Variants in CIMIP6 observed in about 807,000 individuals in gnomAD.
CIMIP6 encodes the protein uncharacterized protein C2orf73.
At chr2:54,380,561 G>A in the CIMIP6 span, among the ~76,000 whole-genome samples, 2 of 152,072 alleles carry the variant, frequency 1.3e-5, no homozygotes. Context: ...CAGTTCATTT[G>A]GCACAAGAGT....
At chr2:54,353,271 C>A in the CIMIP6 span, among the ~76,000 whole-genome samples, 8 of 152,146 alleles carry the variant, frequency 5.3e-5, no homozygotes, top group African/African-American at 1.4e-4. Context: ...TGTTAAACAA[C>A]CGTCCCTGAT....
chr2:54,354,333 T>C, the CIMIP6 span, among the ~76,000 whole-genome samples: 3 of 152,172 alleles, frequency 2.0e-5, no homozygotes, highest in African/African-American at 2.4e-5. Flanking sequence ...GGATTTATTT[T>C]TCTATTTAAA....
At chr2:54,369,055 G>A in the CIMIP6 span, among the ~76,000 whole-genome samples, 1 of 152,154 alleles carries the variant, frequency 6.6e-6, no homozygotes, top group Non-Finnish European at 1.5e-5. Flanking sequence ...AATTGGTACT[G>A]CATGCATCGT....
At chr2:54,352,304 T>C in the CIMIP6 span, among the ~76,000 whole-genome samples, 2 of 152,176 alleles carry the variant, frequency 1.3e-5, no homozygotes, top group Non-Finnish European at 2.9e-5. Flanking sequence ...TTGTTTTATA[T>C]TGGTTTTGAA....
At chr2:54,365,425 A>T in the CIMIP6 span, among the ~76,000 whole-genome samples, 1 of 152,330 alleles carries the variant, frequency 6.6e-6, no homozygotes, top group Admixed American at 6.5e-5. Context: ...AAGAGGAAAG[A>T]ACAAAAACTT....
At chr2:54,332,778 A>G in the CIMIP6 span, among the ~76,000 whole-genome samples, 1 of 152,244 alleles carries the variant, frequency 6.6e-6, no homozygotes, top group Non-Finnish European at 1.5e-5. Context: ...ACTATGAGAA[A>G]CAGGTGGAAA....
At chr2:54,340,462 C>T in the CIMIP6 span, among the ~76,000 whole-genome samples, 1 of 152,204 alleles carries the variant, frequency 6.6e-6, no homozygotes, top group South Asian at 2.1e-4. Flanking sequence ...AGGGCACGCA[C>T]ATGTTGCATG....
the CIMIP6 span, among the ~76,000 whole-genome samples, chr2:54,346,654 C>T: frequency 6.6e-6 from 1 of 152,106 alleles, no homozygotes; most frequent in Admixed American, 6.6e-5. Context: ...ACTCCCTGCC[C>T]CCACATTCAA....
chr2:54,370,240 G>T, the CIMIP6 span, among the ~76,000 whole-genome samples: 1 of 152,006 alleles, frequency 6.6e-6, no homozygotes, highest in Non-Finnish European at 1.5e-5. Context: ...GGGCAGCAGA[G>T]TAAGACTCTG....
the CIMIP6 span, among the ~76,000 whole-genome samples, chr2:54,362,256 C>A: frequency 6.6e-6 from 1 of 151,980 alleles, no homozygotes; most frequent in Non-Finnish European, 1.5e-5. Flanking sequence ...CAAATCACAC[C>A]AAGAAGAAAA....
At chr2:54,363,978 G>A in the CIMIP6 span, among the ~76,000 whole-genome samples, 1 of 152,168 alleles carries the variant, frequency 6.6e-6, no homozygotes, top group East Asian at 1.9e-4. Flanking sequence ...CCACAGGCTA[G>A]GTTGGTTCTC....
At chr2:54,351,988 G>GA in the CIMIP6 span, among the ~76,000 whole-genome samples, 16,074 of 150,360 alleles carry the variant, frequency 0.11, 875 homozygotes, top group Middle Eastern at 0.16. Context: ...TCCACAAGAA[G>GA]AAAAAAAAAC....
chr2:54,346,273 T>G, the CIMIP6 span, among the ~76,000 whole-genome samples: 1 of 152,094 alleles, frequency 6.6e-6, no homozygotes, highest in African/African-American at 2.4e-5. Flanking sequence ...AGATGAGAAG[T>G]AGAAGAGAAG....
the CIMIP6 span, among the ~76,000 whole-genome samples, chr2:54,354,231 C>T: frequency 6.6e-6 from 1 of 152,036 alleles, no homozygotes; most frequent in African/African-American, 2.4e-5. Context: ...GGATCAGTAC[C>T]AAAATATTTT....
chr2:54,365,234 G>A, the CIMIP6 span, among the ~76,000 whole-genome samples: 1 of 152,290 alleles, frequency 6.6e-6, no homozygotes, highest in East Asian at 1.9e-4. Context: ...GGTCCAGTGT[G>A]TATTCATGAG....
the CIMIP6 span, chr2:54,383,431 T>C: frequency 7.9e-5 from 12 of 152,212 alleles, no homozygotes; most frequent in African/African-American, 2.9e-4. Context: ...TTACACAAAC[T>C]GTTTTTTCCT....
chr2:54,357,083 G>C, the CIMIP6 span, among the ~76,000 whole-genome samples: 1 of 152,176 alleles, frequency 6.6e-6, no homozygotes. Context: ...TTTCTAGCAA[G>C]TTCTAAAAGA....
the CIMIP6 span, among the ~76,000 whole-genome samples, chr2:54,374,083 T>C: frequency 1.3e-5 from 2 of 152,192 alleles, no homozygotes; most frequent in African/African-American, 2.4e-5. Flanking sequence ...GCACCCAGAC[T>C]CCTGAGGTCA....
At chr2:54,352,173 GC>G in the CIMIP6 span, among the ~76,000 whole-genome samples, 1 of 152,100 alleles carries the variant, frequency 6.6e-6, no homozygotes, top group South Asian at 2.1e-4. Flanking sequence ...AACTTTCTTT[GC>G]TTTCTCATCT....
Sources: gnomAD v4.1 joint callset for allele counts (sites outside exome capture counted in the v4.1 genomes callset) on GRCh38, gnomAD v4.1.1 for gene constraint, MANE v1.5 for transcripts, NCBI Gene and HGNC (gene_info 2026-07-23, HGNC 2026-07-21) for gene names.